The following PPP2R3A variants were observed in gnomAD, a reference collection of about 807,000 sequenced individuals.
PPP2R3A encodes the protein protein phosphatase 2 regulatory subunit B''alpha, also known as serine/threonine-protein phosphatase 2A regulatory subunit B'' subunit alpha.
In PPP2R3A, 80 loss-of-function variants were observed where a neutral mutation model predicts 106.9. That is an observed-to-expected ratio of 0.75 (90% CI 0.62 to 0.90). PPP2R3A has a LOEUF of 0.90. PPP2R3A is among the 40% of genes least tolerant of loss of function. PPP2R3A has a pLI of 0.00. For synonymous variants in PPP2R3A, 483 were observed against 468.3 expected (o/e 1.03, Z -0.41); for missense variants, 1,386 against 1,350.4 (o/e 1.03, Z -0.41).
chr3:136,000,330 A>G (rs1933573040), intron 1 of PPP2R3A, among the ~76,000 whole-genome samples: 1 of 152,162 alleles, frequency 6.6e-6, no homozygotes, highest in South Asian at 2.1e-4. Flanking sequence ...GTATTTGTTG[A>G]CGGAATAAAT....
chr3:136,132,808 T>G (rs556111964), intron 13 of PPP2R3A, among the ~76,000 whole-genome samples: 1 of 151,984 alleles, frequency 6.6e-6, no homozygotes, highest in African/African-American at 2.4e-5. Flanking sequence ...CAAAACACTT[T>G]TTTAAAAGAA....
At chr3:136,131,292 T>A (rs1207901227) in intron 13 of PPP2R3A, among the ~76,000 whole-genome samples, 1 of 151,882 alleles carries the variant, frequency 6.6e-6, no homozygotes, top group Non-Finnish European at 1.5e-5. Context: ...ATATCCAAAA[T>A]CTACAAAGAA....
At chr3:136,058,298 G>A (rs1935947699) in intron 5 of PPP2R3A, among the ~76,000 whole-genome samples, 1 of 152,142 alleles carries the variant, frequency 6.6e-6, no homozygotes, top group African/African-American at 2.4e-5. Context: ...AGCTTCTTAA[G>A]CTGATAAACA....
chr3:136,111,122 A>G lies in PPP2R3A; in HGVS notation c.3329+4800A>G, dbSNP rs567699661. Among the ~76,000 whole-genome samples, 5 of 152,338 alleles carry G rather than the reference A, an allele frequency of 3.3e-5. No individual in the cohort carries two copies. The South Asian group carries it at 1.0e-3, about 32-fold the overall frequency. ...TATTCTTCAGCAAGAAGGTAAATGG[A>G]TCCTAGAGGAAACAGTGGGAGGAAA... On this transcript the variant is annotated intron_variant, in intron 13 of 13. Coordinates refer to ENST00000264977, the MANE Select transcript of PPP2R3A (RefSeq NM_002718.5).
intron 13 of PPP2R3A, among the ~76,000 whole-genome samples, chr3:136,107,666 CAA>C (rs1373582905): frequency 6.6e-6 from 1 of 152,072 alleles, no homozygotes; most frequent in African/African-American, 2.4e-5. Context: ...AAGCCATCAG[CAA>C]AGAGCTTTCT....
At chr3:136,051,372 C>T (rs1257087246) in intron 5 of PPP2R3A, among the ~76,000 whole-genome samples, 1 of 152,200 alleles carries the variant, frequency 6.6e-6, no homozygotes, top group African/African-American at 2.4e-5. Flanking sequence ...TCTTGTCGCC[C>T]AGGCTGGAGT....
chr3:136,078,591 C>G, intron 7 of PPP2R3A, 138 bp downstream of exon 7: 1 of 628,476 alleles, frequency 1.6e-6, no homozygotes, highest in East Asian at 2.9e-5. Flanking sequence ...AAATACCTGT[C>G]GTGGGATGCT....
At chr3:136,143,410 G>T (rs1938956866) in intron 13 of PPP2R3A, among the ~76,000 whole-genome samples, 1 of 152,138 alleles carries the variant, frequency 6.6e-6, no homozygotes, top group Admixed American at 6.5e-5. Flanking sequence ...AGAATTGCTT[G>T]AACCCAGAAA....
At chr3:136,137,649 C>G (rs1162353630) in intron 13 of PPP2R3A, among the ~76,000 whole-genome samples, 1 of 149,476 alleles carries the variant, frequency 6.7e-6, no homozygotes, top group Non-Finnish European at 1.5e-5. Flanking sequence ...TCAGGCCATT[C>G]TCCTGGCTCA....
At chr3:136,041,549 C>T (rs1054382911) in intron 4 of PPP2R3A, among the ~76,000 whole-genome samples, 6 of 152,060 alleles carry the variant, frequency 3.9e-5, no homozygotes, top group African/African-American at 1.4e-4. Context: ...CACCCAGCCA[C>T]TTTTACTTGT....
At chr3:135,997,037 G>C (rs1933427601) in intron 1 of PPP2R3A, among the ~76,000 whole-genome samples, 1 of 151,998 alleles carries the variant, frequency 6.6e-6, no homozygotes, top group African/African-American at 2.4e-5. Flanking sequence ...CTAGTTCCTG[G>C]GTCCTCAAAG....
At chr3:136,055,659 T>G in intron 5 of PPP2R3A, 1 of 1,194,144 alleles carries the variant, frequency 8.4e-7, no homozygotes, top group Non-Finnish European at 1.2e-6. Flanking sequence ...ATACAGAGGT[T>G]GTTCATAAGG....
chr3:136,117,262 C>T (rs539963874), intron 13 of PPP2R3A, among the ~76,000 whole-genome samples: 2 of 152,152 alleles, frequency 1.3e-5, no homozygotes, highest in African/African-American at 2.4e-5. Context: ...ATTCATAGCA[C>T]TAAATGCCCA....
chr3:135,980,706 G>C (rs1336591307), intron 1 of PPP2R3A, among the ~76,000 whole-genome samples: 3 of 151,850 alleles, frequency 2.0e-5, no homozygotes, highest in Admixed American at 2.0e-4. Flanking sequence ...TTTCCCTTAA[G>C]AGCCAGTTGC....
intron 3 of PPP2R3A, among the ~76,000 whole-genome samples, chr3:136,031,227 G>A (rs1005130244): frequency 3.9e-5 from 6 of 151,908 alleles, no homozygotes; most frequent in Non-Finnish European, 5.9e-5. Context: ...AGGTGGTATC[G>A]CATTGTGGTT....
intron 3 of PPP2R3A, among the ~76,000 whole-genome samples, chr3:136,038,909 G>C (rs1935168279): frequency 6.6e-6 from 1 of 152,178 alleles, no homozygotes; most frequent in African/African-American, 2.4e-5. Context: ...GACCCCAGTG[G>C]AGGTATGAGA....
In PPP2R3A at chr3:136,003,188, A is replaced by G. The variant is rs35923084; in HGVS notation, c.1690A>G (p.Ile564Val). The change falls in exon 2 of 14, where the codon ATA becomes GTA. Residue 564 changes from isoleucine to valine, a missense_variant. Physicochemically the swap from Ile to Val is conservative, Grantham distance 29. Transcript: ENST00000264977. ...GCCTAAATCTAAAGTCTCTTCACCCATAGAAAAAGTCTCACCTTCCTGTCT... is the reference window on the plus strand; with the variant it reads ...GCCTAAATCTAAAGTCTCTTCACCCGTAGAAAAAGTCTCACCTTCCTGTCT... ...LEPKSKVSSP[I>V]EKVSPSCLTR... 2.3e-3 allele frequency: 3,747 copies of G among 1,613,872 alleles called. 72 individuals carry two copies. The African/African-American group carries it at 0.044, about 19-fold the overall frequency.
At chr3:136,060,611 T>G (rs926586045) in intron 5 of PPP2R3A, among the ~76,000 whole-genome samples, 4 of 152,166 alleles carry the variant, frequency 2.6e-5, no homozygotes, top group African/African-American at 9.7e-5. Context: ...CCTTTCGCCA[T>G]GATTGTAAGT....
At chr3:136,030,780 A>ATATATATATATATATATATATG (rs1934851959) in intron 3 of PPP2R3A, among the ~76,000 whole-genome samples, 1 of 91,032 alleles carries the variant, frequency 1.1e-5, no homozygotes, top group Non-Finnish European at 2.5e-5. Flanking sequence ...ATATATATAT[A>ATATATATATATATATATATATG]TGTATGTATG....
Sources: gnomAD v4.1 joint callset for allele counts (sites outside exome capture counted in the v4.1 genomes callset) on GRCh38, gnomAD v4.1.1 for gene constraint, MANE v1.5 for transcripts, NCBI Gene and HGNC (gene_info 2026-07-23, HGNC 2026-07-21) for gene names.